Variants in KIAA1217 observed in about 807,000 individuals in gnomAD.
The protein encoded by KIAA1217 is KIAA1217.
Under a neutral mutation model 163.9 loss-of-function variants are expected in KIAA1217, and 88 were observed. That is an observed-to-expected ratio of 0.54 (90% confidence interval 0.45 to 0.64). The LOEUF (loss-of-function observed/expected upper bound fraction) is 0.64. Among genes scored for constraint, KIAA1217 ranks in the 30% least tolerant of loss-of-function variants. The pLI, the probability that KIAA1217 is intolerant of heterozygous loss-of-function variation, is 0.00. For synonymous variants in KIAA1217, 903 were observed against 923.1 expected (o/e 0.98, Z 0.39); for missense variants, 2,372 against 2,475.0 (o/e 0.96, Z 0.88).
intron 2 of KIAA1217, among the ~76,000 whole-genome samples, chr10:24,352,114 A>G (rs901257882): frequency 1.3e-5 from 2 of 152,262 alleles, no homozygotes; most frequent in Non-Finnish European, 2.9e-5. Flanking sequence ...ACCCAAGTGA[A>G]GCCTGCCTTT....
At chr10:24,171,088 A>G (rs1387785923) in intron 2 of KIAA1217, among the ~76,000 whole-genome samples, 1 of 152,244 alleles carries the variant, frequency 6.6e-6, no homozygotes, top group East Asian at 1.9e-4. Context: ...TCAATCTGCC[A>G]AGAGCAAAGA....
intron 1 of KIAA1217, among the ~76,000 whole-genome samples, chr10:23,747,959 C>T (rs1171930343): frequency 6.6e-6 from 1 of 152,202 alleles, no homozygotes; most frequent in South Asian, 2.1e-4. Flanking sequence ...TGCGCTACAC[C>T]TGGATTCCCT....
At chr10:23,768,532 T>C (rs1834646591) in intron 1 of KIAA1217, among the ~76,000 whole-genome samples, 1 of 152,254 alleles carries the variant, frequency 6.6e-6, no homozygotes, top group African/African-American at 2.4e-5. Flanking sequence ...TACTCTTGTC[T>C]ACTAAAAGAT....
chr10:24,032,820 A>G (rs547452779), intron 2 of KIAA1217, among the ~76,000 whole-genome samples: 2 of 152,290 alleles, frequency 1.3e-5, no homozygotes, highest in East Asian at 3.9e-4. Context: ...CCACCCTAAT[A>G]AGAAATAGCT....
At chr10:24,515,050 A>G (rs1317771033) in intron 10 of KIAA1217, among the ~76,000 whole-genome samples, 1 of 151,906 alleles carries the variant, frequency 6.6e-6, no homozygotes, top group East Asian at 1.9e-4. Flanking sequence ...CATTTATATA[A>G]ATTTTCCAAT....
chr10:23,717,354 G>A lies in KIAA1217; in HGVS notation c.-321+22120G>A, dbSNP rs555198629. ...ATAAGAGCTAATAATTACTGAGCACGTACTATAGTCCAGGCAGCATGCTAA... is the reference window on the plus strand; with the variant it reads ...ATAAGAGCTAATAATTACTGAGCACATACTATAGTCCAGGCAGCATGCTAA... On this transcript the variant is annotated intron_variant, in intron 1 of 18. Transcript: ENST00000376462. 3.2e-4 allele frequency among the ~76,000 whole-genome samples: 48 copies of A among 152,012 alleles called. 1 individual carries two copies. Among genetic ancestry groups the A allele is most frequent in the Admixed American group, 2.0e-3 (30 of 15,238 alleles).
intron 13 of KIAA1217, among the ~76,000 whole-genome samples, 167 bp from the exon 14 acceptor site, chr10:24,527,769 G>GCACA (rs2072426291): frequency 6.6e-6 from 1 of 152,096 alleles, no homozygotes; most frequent in Non-Finnish European, 1.5e-5. Flanking sequence ...TGTCATATGG[G>GCACA]TTTGTTGTGC....
At chr10:23,878,672 G>A (rs1397877093) in intron 1 of KIAA1217, among the ~76,000 whole-genome samples, 1 of 151,900 alleles carries the variant, frequency 6.6e-6, no homozygotes, top group Non-Finnish European at 1.5e-5. Flanking sequence ...GTCAGACAAA[G>A]CCTTGCTGAG....
chr10:24,117,375 C>T (rs1564720842), intron 2 of KIAA1217, among the ~76,000 whole-genome samples: 1 of 152,122 alleles, frequency 6.6e-6, no homozygotes, highest in Non-Finnish European at 1.5e-5. Context: ...CATGGTGGCT[C>T]ATGCCTGTAA....
At chr10:24,177,276 TATATATATATATATATATATATTA>T in intron 2 of KIAA1217, among the ~76,000 whole-genome samples, 1 of 102,204 alleles carries the variant, frequency 9.8e-6, no homozygotes, top group East Asian at 2.6e-4. Context: ...TATATATATA[TATATATATATATATATATATATTA>T]CAATTTCTTT....
Position 24,473,750 on chromosome 10 carries a change from A to G in KIAA1217, c.1369A>G (p.Lys457Glu). 6.2e-7 allele frequency: 1 copy of G among 1,614,090 alleles called. No individual in the cohort carries two copies. The highest frequency in any genetic ancestry group is 8.5e-7 in the Non-Finnish European group (1 of 1,180,024). ...EQSLYRQKSR[K>E]YPDSHLPTLG... is the part of the protein sequence containing the mutation. ...ATCACTGTACAGACAGAAATCAAGG[A>G]AATATCCGGATAGCCATTTGCCTAC... Residue 457 changes from lysine (K) to glutamate (E), a missense_variant, in exon 6 of 21, where the codon AAA becomes GAA. By Grantham distance (56) the Lys-to-Glu change is moderately conservative. Transcript: ENST00000376454.
At chr10:23,877,276 C>A (rs535994555) in intron 1 of KIAA1217, 1 of 152,118 alleles carries the variant, frequency 6.6e-6, no homozygotes, top group East Asian at 1.9e-4. Flanking sequence ...ACCTCAGAAG[C>A]ACAGCCATAT....
chr10:24,369,179 ATGTGTG>A (rs59687010), intron 2 of KIAA1217, among the ~76,000 whole-genome samples: 139 of 139,634 alleles, frequency 1.0e-3, no homozygotes, highest in Admixed American at 1.4e-3. Context: ...AACTTTCACT[ATGTGTG>A]TGTGTGTGTG....
At chr10:24,361,982 CAAAAAAAAAAAA>C (rs68117028) in intron 2 of KIAA1217, among the ~76,000 whole-genome samples, 1 of 100,574 alleles carries the variant, frequency 9.9e-6, no homozygotes, top group South Asian at 3.6e-4. Flanking sequence ...GACTCTGTCT[CAAAAAAAAAAAA>C]AAAAAAAAAA....
At chr10:23,708,119 A>T (rs1173065889) in intron 1 of KIAA1217, among the ~76,000 whole-genome samples, 1 of 152,184 alleles carries the variant, frequency 6.6e-6, no homozygotes, top group Non-Finnish European at 1.5e-5. Flanking sequence ...CTTACATGGC[A>T]GCAGACAAGA....
chr10:23,818,040 T>C (rs1207657100), intron 1 of KIAA1217, among the ~76,000 whole-genome samples: 1 of 128,844 alleles, frequency 7.8e-6, no homozygotes, highest in South Asian at 2.4e-4. Flanking sequence ...TATATATACA[T>C]ATATATACAC....
intron 1 of KIAA1217, among the ~76,000 whole-genome samples, chr10:23,815,772 T>G (rs930045783): frequency 1.3e-5 from 2 of 152,230 alleles, no homozygotes; most frequent in Non-Finnish European, 2.9e-5. Context: ...TGAGTTTGAG[T>G]GCATTTTAAA....
intron 1 of KIAA1217, among the ~76,000 whole-genome samples, chr10:23,769,403 G>A (rs757762691): frequency 6.6e-5 from 10 of 152,106 alleles, no homozygotes; most frequent in Non-Finnish European, 1.0e-4. Context: ...TTGAGGGGAG[G>A]GGGGACAGTC....
intron 1 of KIAA1217, among the ~76,000 whole-genome samples, chr10:24,215,823 T>A: frequency 6.6e-6 from 1 of 152,100 alleles, no homozygotes; most frequent in Non-Finnish European, 1.5e-5. Context: ...AGCAGGTGCC[T>A]CGAGGTAGGA....
Sources: allele counts gnomAD v4.1 joint callset (sites outside exome capture counted in the v4.1 genomes callset), GRCh38; gene constraint gnomAD v4.1.1; transcripts MANE v1.5; gene names NCBI Gene and HGNC (gene_info 2026-07-23, HGNC 2026-07-21).